The following KCNN2 variants were observed in gnomAD, a reference collection of about 807,000 sequenced individuals.
KCNN2 encodes potassium calcium-activated channel subfamily N member 2.
KCNN2 carries 24 observed loss-of-function variants against 55.5 expected under a neutral mutation model. The observed-to-expected ratio is 0.43, with a 90% CI of 0.31 to 0.61. KCNN2 has a LOEUF of 0.61. Ranked by LOEUF, KCNN2 falls within the 20% of genes least tolerant of loss-of-function variation. KCNN2 has a pLI of 0.08. For synonymous variants in KCNN2, 431 were observed against 336.1 expected (o/e 1.28, Z -3.09); for missense variants, 754 against 853.6 (o/e 0.88, Z 1.45).
intron 2 of KCNN2, among the ~76,000 whole-genome samples, chr5:114,289,242 C>A (rs1173497772): frequency 6.6e-6 from 1 of 152,114 alleles, no homozygotes; most frequent in Non-Finnish European, 1.5e-5. Context: ...GTTTGGATTG[C>A]CATAACTTTA....
At chr5:114,311,415 C>T (rs894199240) in intron 2 of KCNN2, among the ~76,000 whole-genome samples, 4 of 152,140 alleles carry the variant, frequency 2.6e-5, no homozygotes, top group Admixed American at 6.6e-5. Flanking sequence ...GGATGTGGAA[C>T]CTATTCAGCA....
At chr5:114,430,242 C>T (rs1193812007) in intron 3 of KCNN2, among the ~76,000 whole-genome samples, 2 of 151,950 alleles carry the variant, frequency 1.3e-5, no homozygotes, top group Non-Finnish European at 2.9e-5. Flanking sequence ...CAATTGTTAG[C>T]TTTTCTGTCT....
In KCNN2 at chr5:114,495,898, C is replaced by T; in HGVS notation, c.2092C>T (p.Gln698Ter). ...ANTLVDLAKTQNIMYDMISDL... is the reference protein window; with the variant it reads ...ANTLVDLAKT ...TCTTCTCAATCCTGTTTTTCAGACC[C>T]AGAACATCATGTATGATATGATTTC... The change falls in exon 8 of 8, where the codon CAG (glutamine) becomes TAG (stop). Residue 698 changes from glutamine to a stop codon, truncating the protein, a stop_gained. Coordinates refer to ENST00000673685, the MANE Select transcript of KCNN2 (RefSeq NM_021614.4). LOFTEE classifies it high-confidence loss of function. 1.2e-6 allele frequency: 2 copies of T among 1,611,896 alleles called. No individual in the cohort carries two copies. Among genetic ancestry groups the T allele is most frequent in the Non-Finnish European group, 1.7e-6 (2 of 1,178,402 alleles).
At chr5:114,130,330 T>C (rs1247114625) in intron 1 of KCNN2, among the ~76,000 whole-genome samples, 1 of 152,244 alleles carries the variant, frequency 6.6e-6, no homozygotes, top group Admixed American at 6.5e-5. Flanking sequence ...GCTTTCCAGT[T>C]ACTTAAGCAC....
At chr5:114,178,634 C>T (rs1254667804) in intron 1 of KCNN2, among the ~76,000 whole-genome samples, 1 of 152,150 alleles carries the variant, frequency 6.6e-6, no homozygotes, top group Non-Finnish European at 1.5e-5. Context: ...TTTAGTGGGG[C>T]TCCTCTTCAT....
intron 1 of KCNN2, among the ~76,000 whole-genome samples, chr5:114,153,541 GT>G (rs1752569093): frequency 6.6e-6 from 1 of 152,154 alleles, no homozygotes; most frequent in African/African-American, 2.4e-5. Context: ...GGGTTTATGT[GT>G]TTCTTGTGTC....
chr5:114,309,017 A>T (rs1756344503), intron 2 of KCNN2, among the ~76,000 whole-genome samples: 1 of 152,210 alleles, frequency 6.6e-6, no homozygotes, highest in Admixed American at 6.5e-5. Flanking sequence ...AGAAATTGGA[A>T]TGTTTAATTC....
chr5:114,469,814 A>G (rs56789529), intron 4 of KCNN2, among the ~76,000 whole-genome samples: 8,350 of 152,180 alleles, frequency 0.055, 731 homozygotes, highest in African/African-American at 0.19. Context: ...GCATAACTCT[A>G]AAAATTAAAA....
At chr5:114,351,722 G>A (rs575331566) in intron 2 of KCNN2, among the ~76,000 whole-genome samples, 1 of 151,492 alleles carries the variant, frequency 6.6e-6, no homozygotes, top group Non-Finnish European at 1.5e-5. Context: ...ATGATTATAT[G>A]GTTATTTTGC....
intron 2 of KCNN2, among the ~76,000 whole-genome samples, chr5:114,398,853 T>C (rs1758699068): frequency 6.6e-6 from 1 of 152,196 alleles, no homozygotes; most frequent in East Asian, 1.9e-4. Context: ...TGAATGCTAT[T>C]GGTGTATAGG....
At chr5:114,392,759 A>G (rs970094570) in intron 2 of KCNN2, among the ~76,000 whole-genome samples, 15 of 150,084 alleles carry the variant, frequency 1.0e-4, no homozygotes, top group African/African-American at 3.7e-4. Context: ...ACACATTAAT[A>G]AAGAAAACCT....
At chr5:114,089,056 C>A (rs978954843) in intron 1 of KCNN2, among the ~76,000 whole-genome samples, 1 of 152,020 alleles carries the variant, frequency 6.6e-6, no homozygotes, top group Admixed American at 6.6e-5. Flanking sequence ...TATCACCTGT[C>A]GTTTTGGAGC....
At chr5:114,063,885 T>C (rs963782452) in intron 1 of KCNN2, among the ~76,000 whole-genome samples, 7 of 152,214 alleles carry the variant, frequency 4.6e-5, no homozygotes, top group Admixed American at 2.0e-4. Flanking sequence ...TTTAAACTCC[T>C]GGTGTGTTTT....
At chr5:114,058,882 C>A (rs961538900) in intron 1 of KCNN2, among the ~76,000 whole-genome samples, 8 of 152,160 alleles carry the variant, frequency 5.3e-5, no homozygotes, top group African/African-American at 1.9e-4. Context: ...AGGAGAGAAG[C>A]TGATGGCAGG....
At chr5:114,356,371 T>C (rs1220837600) in intron 2 of KCNN2, among the ~76,000 whole-genome samples, 1 of 152,178 alleles carries the variant, frequency 6.6e-6, no homozygotes, top group African/African-American at 2.4e-5. Context: ...CTTTCTAGAT[T>C]TGGGTGTTGT....
chr5:114,493,327 T>A (rs756214933), intron 6 of KCNN2, 76 bp from the exon 7 acceptor site: 10 of 907,770 alleles, frequency 1.1e-5, no homozygotes, highest in Middle Eastern at 2.1e-4. Flanking sequence ...TTGTCAATTT[T>A]GTGCATGCTC....
chr5:114,341,028 G>T (rs978265943), intron 2 of KCNN2, among the ~76,000 whole-genome samples: 2 of 151,972 alleles, frequency 1.3e-5, no homozygotes, highest in Non-Finnish European at 2.9e-5. Flanking sequence ...CTTTTTAAAG[G>T]GTGAATATAA....
chr5:114,122,078 C>G (rs954990389), intron 1 of KCNN2, among the ~76,000 whole-genome samples: 1 of 152,146 alleles, frequency 6.6e-6, no homozygotes, highest in Non-Finnish European at 1.5e-5. Context: ...CAGTAAAGCA[C>G]AATAACAACT....
intron 1 of KCNN2, among the ~76,000 whole-genome samples, chr5:114,128,471 C>G (rs1314265024): frequency 6.6e-6 from 1 of 152,174 alleles, no homozygotes; most frequent in Non-Finnish European, 1.5e-5. Context: ...CACCTAGTCT[C>G]TCGCATGACA....
Sources: allele counts gnomAD v4.1 joint callset (sites outside exome capture counted in the v4.1 genomes callset), GRCh38; gene constraint gnomAD v4.1.1; transcripts MANE v1.5; gene names NCBI Gene and HGNC (gene_info 2026-07-23, HGNC 2026-07-21).